Variants in MEGF8 observed in about 807,000 individuals in gnomAD.
MEGF8 encodes multiple epidermal growth factor-like domains protein 8.
In MEGF8, 156 loss-of-function variants were observed where a neutral mutation model predicts 302.9. That is an observed-to-expected ratio of 0.52 (90% CI 0.45 to 0.59). The LOEUF (loss-of-function observed/expected upper bound fraction) is 0.59. Among genes scored for constraint, MEGF8 ranks in the 20% least tolerant of loss-of-function variants. MEGF8 has a pLI of 0.00. For synonymous variants in MEGF8, 1,621 were observed against 1,660.5 expected, an observed-to-expected ratio of 0.98 and a Z score of 0.58; for missense variants, 3,345 against 3,964.5, an observed-to-expected ratio of 0.84 and a Z score of 4.20.
In MEGF8 at chr19:42,355,881, C is replaced by T. The variant is rs1271370064; in HGVS notation, c.4268C>T (p.Pro1423Leu). Reference protein sequence around the residue: ...GSCPVPQECVPQDGAAGAGLC... With the variant: ...GSCPVPQECVLQDGAAGAGLC... ...TGTCCCGTCCCCCAGGAATGCGTGC[C>T]CCAGGACGGTGCTGCAGGTGCGGGG... The change falls in exon 24 of 42, where the codon CCC becomes CTC. Residue 1423 changes from proline (P) to leucine (L), a missense_variant. Pro to Leu is a moderately conservative substitution (Grantham distance 98). Transcript: ENST00000251268. 2 of 1,578,032 alleles carry T rather than the reference C, an allele frequency of 1.3e-6. No individual in the cohort carries two copies. The highest frequency in any genetic ancestry group is 2.3e-5 in the East Asian group (1 of 42,858).
chr19:42,335,613 A>G (rs999854793), intron 5 of MEGF8, among the ~76,000 whole-genome samples: 4 of 150,642 alleles, frequency 2.7e-5, no homozygotes, highest in Admixed American at 6.6e-5. Context: ...CTGTTGCTCA[A>G]TCTGTCTCTG....
chr19:42,358,352 G>A lies in MEGF8; in HGVS notation c.5175+45G>A. On this transcript the variant is annotated intron_variant, in intron 29 of 41. Coordinates refer to ENST00000251268, the MANE Select transcript of MEGF8 (RefSeq NM_001271938.2). The surrounding 1 kb of genome is among the most constrained non-coding windows in gnomAD (Gnocchi z 4.4). ...ACCCAAGGATGTATGGGGCAGGAGG[G>A]AGGGGTCCTCTTTCCCAGTGCCCCA... is the stretch of plus-strand genomic sequence containing the variant. 1 of 1,538,408 alleles carries A rather than the reference G, an allele frequency of 6.5e-7. No individual in the cohort carries two copies. The highest frequency in any genetic ancestry group is 1.7e-4 in the Middle Eastern group (1 of 5,888).
intron 8 of MEGF8, among the ~76,000 whole-genome samples, chr19:42,341,535 C>G (rs2039215121): frequency 6.6e-6 from 1 of 151,800 alleles, no homozygotes; most frequent in Non-Finnish European, 1.5e-5. Context: ...CTCCTAGGCT[C>G]AAGTCATCCT....
intron 1 of MEGF8, among the ~76,000 whole-genome samples, chr19:42,328,052 C>T (rs760918230): frequency 1.3e-5 from 2 of 152,194 alleles, no homozygotes; most frequent in Non-Finnish European, 2.9e-5. Context: ...TGTGCCACTA[C>T]GCTCCAGTCT....
intron 8 of MEGF8, among the ~76,000 whole-genome samples, chr19:42,337,446 G>A (rs1261317170): frequency 6.6e-6 from 1 of 151,906 alleles, no homozygotes; most frequent in African/African-American, 2.4e-5. Context: ...GTTTCCAGCT[G>A]CCCCAGGGAA....
Position 42,377,096 on chromosome 19 carries a change from A to G in MEGF8, c.*321A>G. 1 of 324,032 alleles carries G rather than the reference A, an allele frequency of 3.1e-6. No individual in the cohort carries two copies. The highest frequency in any genetic ancestry group is 5.6e-6 in the Non-Finnish European group (1 of 177,866). 20.1% of individuals were successfully genotyped at this position (324,032 alleles called of 1,614,324 possible). Reference sequence around the variant, plus strand: ...ACCCCACACGCATACACACATGAACACATGCACATGTGCACACACAAGTAA... The same window carrying G: ...ACCCCACACGCATACACACATGAACGCATGCACATGTGCACACACAAGTAA... On this transcript the variant is annotated 3_prime_UTR_variant, in exon 42 of 42. Transcript: ENST00000251268.
In MEGF8 at chr19:42,358,879, G is replaced by T; in HGVS notation, c.5268G>T (p.Arg1756Ser). 1 of 1,611,578 alleles carries T rather than the reference G, an allele frequency of 6.2e-7. No individual in the cohort carries two copies. Among genetic ancestry groups the T allele is most frequent in the African/African-American group, 1.3e-5 (1 of 75,008 alleles). ...GGTCATGGGGGTTCCGGGAAGTCAGGAAGAAGATGGCTCTGTGGGCTGCTC... is the reference window on the plus strand; with the variant it reads ...GGTCATGGGGGTTCCGGGAAGTCAGTAAGAAGATGGCTCTGTGGGCTGCTC... Reference protein sequence around the residue: ...QPGSWGFREVRKKMALWAALA... With the variant: ...QPGSWGFREVSKKMALWAALA... The change falls in exon 30 of 42, where the codon AGG becomes AGT. Residue 1756 changes from arginine to serine, a missense_variant. Coordinates refer to ENST00000251268, the MANE Select transcript of MEGF8 (RefSeq NM_001271938.2). This position sits in a 1 kb window ranked among gnomAD's most constrained non-coding sequence, Gnocchi z 4.4.
rs774934418 is a variant in MEGF8, at chr19:42,358,772, C to A, written c.5176-15C>A. 5.9e-6 allele frequency: 9 copies of A among 1,515,074 alleles called. No individual in the cohort carries two copies. Among genetic ancestry groups the A allele is most frequent in the Non-Finnish European group, 7.9e-6 (9 of 1,132,266 alleles). The allele number at this position is 1,515,074 out of a possible 1,614,324, so 93.9% of individuals were successfully genotyped here. A position where few individuals can be genotyped will look rare whatever the true frequency, so the allele number is the denominator to read the frequency against. ...TCGAGGAGCCTCAACCCCAGGACGC[C>A]CCCACTGTCACTAGCGAGATCGTAT... On this transcript the variant is annotated splice_polypyrimidine_tract_variant and intron_variant, in intron 29 of 41. Coordinates refer to ENST00000251268, the MANE Select transcript of MEGF8 (RefSeq NM_001271938.2). This position sits in a 1 kb window ranked among gnomAD's most constrained non-coding sequence, Gnocchi z 4.4.
At position 42,375,895 on chromosome 19, in the gene MEGF8, G is replaced by A. The variant is rs891668559; in HGVS notation, c.7658G>A (p.Gly2553Glu). The A allele has an allele frequency of 1.4e-5, 23 of 1,601,602 alleles. No individual in the cohort carries two copies. The highest frequency in any genetic ancestry group is 1.9e-5 in the Non-Finnish European group (22 of 1,173,818). Residue 2553 changes from glycine (G) to glutamate (E), a missense_variant, in exon 42 of 42, where the codon GGG (glycine) becomes GAG (glutamate). Physicochemically the swap from Gly to Glu is moderately conservative, Grantham distance 98. Transcript: ENST00000251268. This position sits in a 1 kb window ranked among gnomAD's most constrained non-coding sequence, Gnocchi z 7.1. ...PRGAGDPGGAGASSGPGAPAE... is the reference protein window; with the variant it reads ...PRGAGDPGGAEASSGPGAPAE... ...GGGGCTGGGGATCCAGGAGGAGCAG[G>A]GGCCAGCAGTGGGCCGGGCGCCCCA...
chr19:42,355,633 C>T (rs901132108), intron 23 of MEGF8, 125 bp from the exon 24 acceptor site: 24 of 1,343,636 alleles, frequency 1.8e-5, no homozygotes, highest in African/African-American at 8.9e-5. Flanking sequence ...TTCATCCTGG[C>T]GATGATTATG....
At position 42,356,578 on chromosome 19, in the gene MEGF8, C is replaced by A; in HGVS notation, c.4622+125C>A. On this transcript the variant is annotated intron_variant, in intron 26 of 41. Coordinates refer to ENST00000251268, the MANE Select transcript of MEGF8 (RefSeq NM_001271938.2). This position sits in a 1 kb window ranked among gnomAD's most constrained non-coding sequence, Gnocchi z 5.2. The stretch of plus-strand genomic sequence containing the variant: ...AAGGACAGCCCAAAGGATGCTGGGA[C>A]ACTTGTCACAGGAAGCTCACCCGGG... 2 of 964,306 alleles carry A rather than the reference C, an allele frequency of 2.1e-6. No homozygotes were observed. Among genetic ancestry groups the A allele is most frequent in the Non-Finnish European group, 3.0e-6 (2 of 664,726 alleles). 59.7% of individuals were successfully genotyped at this position (964,306 alleles called of 1,614,324 possible).
chr19:42,334,246 G>A (rs1336766719), intron 3 of MEGF8, 33 bp downstream of exon 3: 1 of 1,548,588 alleles, frequency 6.5e-7, no homozygotes. Context: ...TTCCCCTGGG[G>A]CCCTGATCTG....
At position 42,352,390 on chromosome 19, in the gene MEGF8, C is replaced by A. The variant is rs775878262; in HGVS notation, c.3284C>A (p.Pro1095His). The change falls in exon 19 of 42, where the codon CCC becomes CAC. Residue 1095 changes from proline (P) to histidine (H), a missense_variant. Physicochemically the swap from Pro to His is moderately conservative, Grantham distance 77. Transcript: ENST00000251268. This position sits in a 1 kb window ranked among gnomAD's most constrained non-coding sequence, Gnocchi z 4.4. ...CCGCGGGCGACCTGCCTGAACACGC[C>A]CCTCAGCTACGAGTGTCACTGCCAG... ...CHPRATCLNT[P>H]LSYECHCQRG... 4 of 1,594,868 alleles carry A rather than the reference C, an allele frequency of 2.5e-6. No homozygotes were observed. In the African/African-American group the frequency reaches 4.0e-5, roughly 16 times the overall value.
At position 42,344,388 on chromosome 19, in the gene MEGF8, A is replaced by T; in HGVS notation, c.1789-53A>T. On this transcript the variant is annotated intron_variant, in intron 10 of 41. Coordinates refer to ENST00000251268, the MANE Select transcript of MEGF8 (RefSeq NM_001271938.2). This position sits in a 1 kb window ranked among gnomAD's most constrained non-coding sequence, Gnocchi z 4.5. ...CCTGTATCCACAGCCCTTCCTTCCC[A>T]GATCTCTTGAGCTCCAGTTGACAGT... 1 of 1,525,206 alleles carries T rather than the reference A, an allele frequency of 6.6e-7. No individual in the cohort carries two copies. The allele number at this position is 1,525,206 out of a possible 1,614,324, so 94.5% of individuals were successfully genotyped here.
rs751105144 is a variant in MEGF8, at chr19:42,368,949, C to T, written c.6588C>T (p.His2196=). 3.1e-5 allele frequency: 50 copies of T among 1,613,804 alleles called. No homozygotes were observed. Among genetic ancestry groups the T allele is most frequent in the African/African-American group, 6.7e-5 (5 of 74,924 alleles). The part of the protein sequence containing the change: ...HHDCNETQNC[H]DQPHGYECSC... ...ACTGCAACGAGACGCAGAATTGCCA[C>T]GACCAGCCCCACGGCTATGAGTGCA... Residue 2196 remains histidine (H), a synonymous_variant, in exon 37 of 42, where the codon CAC becomes CAT. Coordinates refer to ENST00000251268, the MANE Select transcript of MEGF8 (RefSeq NM_001271938.2). The surrounding 1 kb of genome is among the most constrained non-coding windows in gnomAD (Gnocchi z 4.9).
intron 13 of MEGF8, 63 bp downstream of exon 13, chr19:42,348,535 T>C (rs2039322791): frequency 1.4e-6 from 2 of 1,399,764 alleles, no homozygotes; most frequent in East Asian, 2.5e-5. Context: ...GGGTGTGGTA[T>C]AGAGCATCTG....
intron 35 of MEGF8, among the ~76,000 whole-genome samples, chr19:42,363,996 ACT>A (rs757404206): frequency 6.6e-6 from 1 of 152,088 alleles, no homozygotes; most frequent in Non-Finnish European, 1.5e-5. Flanking sequence ...TCGAGGAGAA[ACT>A]CTGACTTAGT....
In MEGF8 at chr19:42,334,847, GTC is replaced by G. The variant is rs1305999892; in HGVS notation, c.559-180_559-179del. Among the ~76,000 whole-genome samples the G allele has an allele frequency of 9.2e-5, 14 of 151,678 alleles. No homozygotes were observed. In the South Asian group the frequency reaches 2.9e-3, roughly 32 times the overall value. On this transcript the variant is annotated intron_variant, in intron 3 of 41. Transcript: ENST00000251268. ...GACAGTTTGCCTTTCCCCTCTTCCTGTCTCTCTCTGTCTCCCTTTCTCTCTCT... is the reference window on the plus strand; with the variant it reads ...GACAGTTTGCCTTTCCCCTCTTCCTGTCTCTCTGTCTCCCTTTCTCTCTCT...
Position 42,344,956 on chromosome 19 carries a change from A to G in MEGF8, c.2097+123A>G. On this transcript the variant is annotated intron_variant, in intron 12 of 41. Transcript: ENST00000251268. The surrounding 1 kb of genome is among the most constrained non-coding windows in gnomAD (Gnocchi z 4.5). The stretch of plus-strand genomic sequence containing the variant: ...AAAACTCTTTACATTCAAGGGTCTT[A>G]TTTTCCTTATGGACTTTATTTTTTA... 1.8e-6 allele frequency: 2 copies of G among 1,086,228 alleles called. No homozygotes were observed. Among genetic ancestry groups the G allele is most frequent in the Non-Finnish European group, 2.5e-6 (2 of 805,852 alleles). 67.3% of individuals were successfully genotyped at this position (1,086,228 alleles called of 1,614,324 possible).
Sources: allele counts gnomAD v4.1 joint callset (sites outside exome capture counted in the v4.1 genomes callset), GRCh38; gene constraint gnomAD v4.1.1; non-coding constraint Gnocchi (gnomAD v3.1); transcripts MANE v1.5; gene names NCBI Gene and HGNC (gene_info 2026-07-23, HGNC 2026-07-21).